SLC5A4: variants seen among roughly 807,000 people sequenced by gnomAD.
SLC5A4 encodes the protein solute carrier family 5 member 4, also known as probable glucose sensor protein SLC5A4.
A neutral mutation model predicts 70.3 loss-of-function variants in SLC5A4; 55 were observed. That is an observed-to-expected ratio of 0.78 (90% CI 0.63 to 0.98). The LOEUF is 0.98. Ranked by LOEUF, SLC5A4 falls within the 50% of genes least tolerant of loss-of-function variation. SLC5A4 has a pLI of 0.00. For synonymous variants in SLC5A4, 268 were observed against 305.7 expected (o/e 0.88, Z 1.29); for missense variants, 735 against 839.2 (o/e 0.88, Z 1.53).
chr22:32,311,965 G>T, the SLC5A4 span, among the ~76,000 whole-genome samples: 1 of 152,092 alleles, frequency 6.6e-6, no homozygotes, highest in South Asian at 2.1e-4. Flanking sequence ...CTGGCCATGT[G>T]GCGCCTGGGC....
the SLC5A4 span, chr22:32,273,323 C>A: frequency 4.6e-6 from 1 of 219,076 alleles, no homozygotes; most frequent in South Asian, 6.9e-5. Flanking sequence ...ATTACAGAGA[C>A]ATCTGTTGTA....
the SLC5A4 span, among the ~76,000 whole-genome samples, chr22:32,299,728 G>A: frequency 0.023 from 2,459 of 106,304 alleles, 31 homozygotes; most frequent in Non-Finnish European, 0.039. Context: ...GAGGAGAGGC[G>A]CTCTGCTTTT....
the SLC5A4 span, among the ~76,000 whole-genome samples, chr22:32,353,524 G>A: frequency 6.7e-6 from 1 of 149,450 alleles, no homozygotes. Context: ...TGGAGTCCGG[G>A]GAGACGAGGA....
In SLC5A4 at chr22:32,238,932, G is replaced by C. The variant is rs968329615; in HGVS notation, c.583+53C>G. ...CACTGAGAATGCTAATTGCAGGTTGGGGTGGGATCAGCAAAAGATAGCCTG... is the reference window on the plus strand; with the variant it reads ...CACTGAGAATGCTAATTGCAGGTTGCGGTGGGATCAGCAAAAGATAGCCTG... On this transcript the variant is annotated intron_variant, in intron 6 of 14. Coordinates refer to ENST00000266086, the MANE Select transcript of SLC5A4 (RefSeq NM_014227.3). 4.1e-5 allele frequency: 49 copies of C among 1,209,122 alleles called. No individual in the cohort carries two copies. The African/African-American group carries it at 6.9e-4, about 17-fold the overall frequency. The allele number at this position is 1,209,122 out of a possible 1,614,324, so 74.9% of individuals were successfully genotyped here.
the SLC5A4 span, among the ~76,000 whole-genome samples, chr22:32,315,728 A>G: frequency 1.3e-5 from 2 of 150,272 alleles, no homozygotes; most frequent in African/African-American, 4.9e-5. Flanking sequence ...TCAAACAATG[A>G]TGACAGAACT....
rs118097976 is a variant in SLC5A4, at chr22:32,237,551, A to C, written c.584-227T>G. Among the ~76,000 whole-genome samples, 837 of 152,286 alleles carry C rather than the reference A, an allele frequency of 5.5e-3. 8 individuals are homozygous for C. Among genetic ancestry groups the C allele is most frequent in the Non-Finnish European group, 6.6e-3 (450 of 68,020 alleles). ...TCAAAGTTTCTGTGAATTACAGTGAAGTTTCATCTTTGTGTGAGTTTTTGA... is the reference window on the plus strand; with the variant it reads ...TCAAAGTTTCTGTGAATTACAGTGACGTTTCATCTTTGTGTGAGTTTTTGA... On this transcript the variant is annotated intron_variant, in intron 6 of 14. Transcript: ENST00000266086.
chr22:32,226,159 G>T (rs557723339), intron 11 of SLC5A4, among the ~76,000 whole-genome samples: 1 of 152,298 alleles, frequency 6.6e-6, no homozygotes, highest in Admixed American at 6.5e-5. Context: ...CTATTAACCA[G>T]CAATTATTTG....
chr22:32,347,200 A>G, the SLC5A4 span, among the ~76,000 whole-genome samples: 1 of 152,276 alleles, frequency 6.6e-6, no homozygotes, highest in East Asian at 1.9e-4. Flanking sequence ...AAAAGTCAGG[A>G]AACAACAGGT....
chr22:32,224,744 A>C (rs1925295000), intron 12 of SLC5A4, among the ~76,000 whole-genome samples: 1 of 152,206 alleles, frequency 6.6e-6, no homozygotes, highest in African/African-American at 2.4e-5. Flanking sequence ...ACACTGACCC[A>C]AGCTGAAGTT....
At chr22:32,340,242 G>A in the SLC5A4 span, among the ~76,000 whole-genome samples, 1 of 152,212 alleles carries the variant, frequency 6.6e-6, no homozygotes, top group Non-Finnish European at 1.5e-5. Context: ...GCTTAGCTCA[G>A]TGAGCCCTCA....
At chr22:32,330,134 AG>A in the SLC5A4 span, among the ~76,000 whole-genome samples, 1 of 71,720 alleles carries the variant, frequency 1.4e-5, no homozygotes, top group Non-Finnish European at 2.6e-5. Context: ...CTGATGTGTC[AG>A]GGGGGCTCTG....
rs1052099636 is a variant in SLC5A4, at chr22:32,224,341, T to C, written c.1591A>G (p.Ile531Val). Residue 531 changes from isoleucine to valine, a missense_variant, in exon 13 of 15, where the codon ATC (isoleucine) becomes GTC (valine). Coordinates refer to ENST00000266086, the MANE Select transcript of SLC5A4 (RefSeq NM_014227.3). ...ICGVHYLYFS[I>V]VLFFGSMLVT... Reference sequence around the variant, plus strand: ...AGCATGGACCCAAAAAAGAGAACGATGGAAAAGTACAGATAGTGCACTCCA... The same window carrying C: ...AGCATGGACCCAAAAAAGAGAACGACGGAAAAGTACAGATAGTGCACTCCA... 15 of 1,614,064 alleles carry C rather than the reference T, an allele frequency of 9.3e-6. No homozygotes were observed. Among genetic ancestry groups the C allele is most frequent in the Non-Finnish European group, 1.2e-5 (14 of 1,179,990 alleles).
At chr22:32,334,764 G>T in the SLC5A4 span, among the ~76,000 whole-genome samples, 1 of 152,218 alleles carries the variant, frequency 6.6e-6, no homozygotes, top group African/African-American at 2.4e-5. Flanking sequence ...TCCAGTAAGC[G>T]TACACACTGA....
chr22:32,329,582 G>A, the SLC5A4 span, among the ~76,000 whole-genome samples: 85 of 144,620 alleles, frequency 5.9e-4, no homozygotes, highest in Non-Finnish European at 1.2e-3. Context: ...GGGCTCTGGT[G>A]TGTGTCTTGG....
At chr22:32,296,913 A>G in the SLC5A4 span, among the ~76,000 whole-genome samples, 1 of 81,778 alleles carries the variant, frequency 1.2e-5, no homozygotes, top group South Asian at 5.3e-4. Context: ...TGAGATAATC[A>G]TGTGGTTTTT....
chr22:32,330,244 T>G, the SLC5A4 span, among the ~76,000 whole-genome samples: 2 of 108,754 alleles, frequency 1.8e-5, no homozygotes, highest in African/African-American at 6.8e-5. Flanking sequence ...TTGGGGTCTC[T>G]GTGTTGGGGG....
chr22:32,298,906 A>G, the SLC5A4 span, among the ~76,000 whole-genome samples: 1 of 98,160 alleles, frequency 1.0e-5, no homozygotes, highest in African/African-American at 4.0e-5. Flanking sequence ...TTTCTCCTTC[A>G]CTTATGAAGC....
At chr22:32,271,141 C>G in the SLC5A4 span, 1 of 659,452 alleles carries the variant, frequency 1.5e-6, no homozygotes, top group African/African-American at 1.8e-5. Flanking sequence ...CCAGACAGAG[C>G]CCATCCACTG....
the SLC5A4 span, among the ~76,000 whole-genome samples, chr22:32,330,504 G>A: frequency 7.5e-6 from 1 of 134,092 alleles, no homozygotes; most frequent in East Asian, 2.4e-4. Flanking sequence ...GCTCTGGTGT[G>A]TATGTGTTGG....
Sources: allele counts gnomAD v4.1 joint callset (sites outside exome capture counted in the v4.1 genomes callset), GRCh38; gene constraint gnomAD v4.1.1; transcripts MANE v1.5; gene names NCBI Gene and HGNC (gene_info 2026-07-23, HGNC 2026-07-21).